C1orf94: variants seen among roughly 807,000 people sequenced by gnomAD.
C1orf94 encodes the protein chromosome 1 open reading frame 94.
Under a neutral mutation model 53.6 loss-of-function variants are expected in C1orf94, and 45 were observed. The ratio of observed to expected loss-of-function variants is 0.84; its 90% CI spans 0.66 to 1.08. C1orf94 has a LOEUF of 1.08. Among genes scored for constraint, C1orf94 ranks in the 50% least tolerant of loss-of-function variants. C1orf94 has a pLI of 0.00. For missense variants in C1orf94, 762 were observed against 738.9 expected, an observed-to-expected ratio of 1.03 and a Z score of -0.36; for synonymous variants, 304 against 296.1, an observed-to-expected ratio of 1.03 and a Z score of -0.27.
chr1:34,178,026 C>T lies in C1orf94; in HGVS notation c.237C>T (p.Ala79=). The T allele has an allele frequency of 6.4e-7, 1 of 1,551,738 alleles. No homozygotes were observed. The highest frequency in any genetic ancestry group is 8.7e-7 in the Non-Finnish European group (1 of 1,146,996). The change falls in exon 1 of 7, where the codon GCC becomes GCT. Residue 79 remains alanine, a synonymous_variant. Transcript: ENST00000488417. ...AGAGAGTTCAAGGCCTGCCTGAGGC[C>T]TCACAGCCCTGGACCTCCATGGAGC... ...IWKRVQGLPE[A]SQPWTSMEQL...
At chr1:34,172,156 C>G (rs775008689), upstream of C1orf94, among the ~76,000 whole-genome samples, 2 of 152,222 alleles carry the variant, frequency 1.3e-5, no homozygotes, top group African/African-American at 4.8e-5. Context: ...CTTGGCATAC[C>G]TATCACTACT....
chr1:34,175,200 T>A (rs74461338), upstream of C1orf94, among the ~76,000 whole-genome samples: 3,664 of 132,454 alleles, frequency 0.028, 63 homozygotes, highest in South Asian at 0.073. Flanking sequence ...ATTTTTTTTT[T>A]TTTTTTTTTT....
At chr1:34,184,283 G>T (rs892236145) in intron 1 of C1orf94, among the ~76,000 whole-genome samples, 1 of 152,218 alleles carries the variant, frequency 6.6e-6, no homozygotes, top group Non-Finnish European at 1.5e-5. Flanking sequence ...AAAGAGCCCA[G>T]CAGCAGGCGC....
chr1:34,171,661 G>A (rs1364152605), intron 1 of C1orf94, among the ~76,000 whole-genome samples: 2 of 152,174 alleles, frequency 1.3e-5, no homozygotes, highest in African/African-American at 4.8e-5. Flanking sequence ...TGTCTTTTAT[G>A]AAAACAGAAT....
At chr1:34,210,974 A>G (rs1200090266) in intron 5 of C1orf94, among the ~76,000 whole-genome samples, 1 of 150,548 alleles carries the variant, frequency 6.6e-6, no homozygotes, top group Non-Finnish European at 1.5e-5. Flanking sequence ...TTTTTTTTTT[A>G]GATAAGGGTG....
chr1:34,212,598 G>T (rs1033841438), intron 6 of C1orf94, among the ~76,000 whole-genome samples, 192 bp downstream of exon 6: 1 of 152,188 alleles, frequency 6.6e-6, no homozygotes, highest in Non-Finnish European at 1.5e-5. Flanking sequence ...AGGGTCTGGG[G>T]CCTGGTGGGC....
At chr1:34,190,516 T>C (rs1642465064) in intron 1 of C1orf94, among the ~76,000 whole-genome samples, 1 of 152,238 alleles carries the variant, frequency 6.6e-6, no homozygotes, top group Non-Finnish European at 1.5e-5. Context: ...GACAAGGTCT[T>C]CCTTGCATTC....
intron 5 of C1orf94, among the ~76,000 whole-genome samples, chr1:34,210,683 C>G (rs1433177928): frequency 3.3e-5 from 5 of 151,316 alleles, no homozygotes; most frequent in African/African-American, 1.2e-4. Context: ...TAGACGGAGT[C>G]TCGCTCTGTT....
intron 4 of C1orf94, among the ~76,000 whole-genome samples, chr1:34,204,037 AC>A (rs1438961187): frequency 1.3e-5 from 2 of 152,178 alleles, no homozygotes; most frequent in Admixed American, 1.3e-4. Flanking sequence ...TGCACTCAGG[AC>A]CTTGGCAATT....
chr1:34,210,451 G>A (rs12760260), intron 5 of C1orf94, among the ~76,000 whole-genome samples: 1 of 152,238 alleles, frequency 6.6e-6, no homozygotes, highest in African/African-American at 2.4e-5. Context: ...TATAGGCTCC[G>A]GGCTTACCCT....
intron 4 of C1orf94, among the ~76,000 whole-genome samples, chr1:34,204,203 G>A (rs930664745): frequency 2.0e-5 from 3 of 152,168 alleles, no homozygotes; most frequent in Admixed American, 6.5e-5. Context: ...CAAACCTTAT[G>A]TCCTATTGGG....
chr1:34,197,081 T>C lies in C1orf94; in HGVS notation c.321-144T>C. On this transcript the variant is annotated intron_variant, in intron 1 of 6. Coordinates refer to ENST00000488417, the MANE Select transcript of C1orf94 (RefSeq NM_001134734.2). This position sits in a 1 kb window ranked among gnomAD's most constrained non-coding sequence, Gnocchi z 4.1. ...GGTATAGGACCCTCTGGGGGTCCAG[T>C]GTGTCTGCTGGGTTATCTTGCCTGG... The C allele has an allele frequency of 1.4e-6, 1 of 723,784 alleles. No individual in the cohort carries two copies. The highest frequency in any genetic ancestry group is 2.3e-6 in the Non-Finnish European group (1 of 443,118). The allele number at this position is 723,784 out of a possible 1,614,324, so 44.8% of individuals were successfully genotyped here.
intron 1 of C1orf94, among the ~76,000 whole-genome samples, chr1:34,195,648 G>C (rs1219696684): frequency 6.6e-6 from 1 of 152,088 alleles, no homozygotes; most frequent in Non-Finnish European, 1.5e-5. Context: ...AAGGTTTCCT[G>C]TCTGGCACAA....
intron 2 of C1orf94, among the ~76,000 whole-genome samples, chr1:34,198,669 G>A (rs560393410): frequency 6.6e-6 from 1 of 152,240 alleles, no homozygotes; most frequent in African/African-American, 2.4e-5. Context: ...TTTCCTCTGG[G>A]CTATGAGCAT....
Position 34,218,805 on chromosome 1 carries a change from C to A in C1orf94, c.*44C>A. 1 of 1,500,590 alleles carries A rather than the reference C, an allele frequency of 6.7e-7. No individual in the cohort carries two copies. The highest frequency in any genetic ancestry group is 9.1e-7 in the Non-Finnish European group (1 of 1,103,700). The allele number at this position is 1,500,590 out of a possible 1,614,324, so 93.0% of individuals were successfully genotyped here. The stretch of plus-strand genomic sequence containing the variant: ...TCCTCCCTTAGCCCTTGGATCAGGA[C>A]TAGGGGCTCTGATTTTTGGATTCTG... On this transcript the variant is annotated 3_prime_UTR_variant, in exon 7 of 7. Coordinates refer to ENST00000488417, the MANE Select transcript of C1orf94 (RefSeq NM_001134734.2).
chr1:34,167,588 G>C (rs1642062302), intron 1 of C1orf94, among the ~76,000 whole-genome samples: 1 of 151,386 alleles, frequency 6.6e-6, no homozygotes, highest in Admixed American at 6.6e-5. Flanking sequence ...GATCTATTTG[G>C]GTCCACGTGC....
At chr1:34,216,213 T>C (rs1001638382) in intron 6 of C1orf94, among the ~76,000 whole-genome samples, 2 of 152,014 alleles carry the variant, frequency 1.3e-5, no homozygotes, top group East Asian at 3.9e-4. Flanking sequence ...GGTAATACGT[T>C]TGGGAGCCAT....
chr1:34,192,941 T>C (rs1642516802), intron 1 of C1orf94, among the ~76,000 whole-genome samples: 1 of 152,112 alleles, frequency 6.6e-6, no homozygotes, highest in South Asian at 2.1e-4. Context: ...TAAAGGAGTT[T>C]GGATTTTATC....
chr1:34,174,837 T>C (rs1266950071), upstream of C1orf94, among the ~76,000 whole-genome samples: 1 of 152,204 alleles, frequency 6.6e-6, no homozygotes, highest in African/African-American at 2.4e-5. Flanking sequence ...AAGCTTACAT[T>C]GCCAGAAAAC....
Sources: allele counts gnomAD v4.1 joint callset (sites outside exome capture counted in the v4.1 genomes callset), GRCh38; gene constraint gnomAD v4.1.1; non-coding constraint Gnocchi (gnomAD v3.1); transcripts MANE v1.5; gene names NCBI Gene and HGNC (gene_info 2026-07-23, HGNC 2026-07-21).